ZFX: variants seen among roughly 807,000 people sequenced by gnomAD.
ZFX encodes zinc finger X-chromosomal protein.
For missense variants in ZFX, 362 were observed against 628.3 expected, an observed-to-expected ratio of 0.58 and a Z score of 4.53; for synonymous variants, 196 against 226.8, an observed-to-expected ratio of 0.86 and a Z score of 1.22.
chrX:24,163,974 GTT>G (rs747893896), intron 3 of ZFX, among the ~76,000 whole-genome samples: 2 of 94,655 alleles, frequency 2.1e-5, no homozygotes, highest in African/African-American at 3.9e-5. Flanking sequence ...CTTTTTTTCT[GTT>G]TTTTTTTTTT....
intron 3 of ZFX, among the ~76,000 whole-genome samples, chrX:24,165,079 T>TA (rs1032097974): frequency 1.8e-5 from 2 of 111,645 alleles, no homozygotes; most frequent in Admixed American, 9.5e-5. Flanking sequence ...TGCACTAATT[T>TA]AAAAAAACCC....
upstream of ZFX, chrX:24,149,671 C>A (rs1347714897): frequency 9.0e-6 from 1 of 110,791 alleles, no homozygotes; most frequent in African/African-American, 3.2e-5. Flanking sequence ...TTTTTGTCAG[C>A]TCCGAGCTCG....
rs1938093331 is a variant in ZFX at position 24,211,713 on chromosome X, T to G, written c.*337T>G. 6.2e-6 allele frequency: 1 copy of G among 161,390 alleles called. No individual in the cohort carries two copies. The highest frequency in any genetic ancestry group is 3.1e-5 in the African/African-American group (1 of 32,242). The allele number at this position is 161,390 out of a possible 1,213,427, so 13.3% of individuals were successfully genotyped here. A position where few individuals can be genotyped will look rare whatever the true frequency, so the allele number is the denominator to read the frequency against. ...CCTTGATGGTACTCTTCTAAGACCATTAACTTAAGGTAACTTTATATTGGT... is the reference window on the plus strand; with the variant it reads ...CCTTGATGGTACTCTTCTAAGACCAGTAACTTAAGGTAACTTTATATTGGT... On this transcript the variant is annotated 3_prime_UTR_variant, in exon 10 of 10. Transcript: ENST00000304543.
intron 5 of ZFX, among the ~76,000 whole-genome samples, chrX:24,199,931 A>G (rs1937180318): frequency 1.8e-5 from 2 of 110,245 alleles, no homozygotes; most frequent in South Asian, 7.7e-4. Context: ...AAAAAAAAAA[A>G]AGTTTTTGCT....
At chrX:24,155,657 C>T (rs1308798150) in intron 3 of ZFX, among the ~76,000 whole-genome samples, 2 of 112,314 alleles carry the variant, frequency 1.8e-5, no homozygotes, top group African/African-American at 6.5e-5. Context: ...TGTGTTTGAT[C>T]CCGTTTCTCC....
intron 3 of ZFX, among the ~76,000 whole-genome samples, chrX:24,155,889 TTTTA>T (rs749597304): frequency 1.8e-5 from 2 of 111,877 alleles, no homozygotes; most frequent in Non-Finnish European, 3.8e-5. Flanking sequence ...GGTATATGGG[TTTTA>T]TTTATTTATT....
At chrX:24,164,333 A>G (rs1158949112) in intron 3 of ZFX, among the ~76,000 whole-genome samples, 1 of 111,939 alleles carries the variant, frequency 8.9e-6, no homozygotes, top group Non-Finnish European at 1.9e-5. Context: ...TTGCATTAGC[A>G]AAAGATCAAT....
At chrX:24,175,158 AAT>A (rs1266376512) in intron 4 of ZFX, among the ~76,000 whole-genome samples, 3 of 112,536 alleles carry the variant, frequency 2.7e-5, no homozygotes, top group Non-Finnish European at 5.6e-5. Context: ...AAATATAAGT[AAT>A]ATACTTGAAA....
At chrX:24,192,880 C>T (rs1270246465) in intron 5 of ZFX, among the ~76,000 whole-genome samples, 8 of 100,870 alleles carry the variant, frequency 7.9e-5, no homozygotes, top group African/African-American at 2.6e-4. Flanking sequence ...GGTGACAGAG[C>T]GAGACCCTGT....
Position 24,210,902 on chromosome X carries a change from G to A in ZFX, c.1944G>A (p.Leu648=), listed in dbSNP as rs774264411. The part of the protein sequence containing the change: ...CDHKSSNSSD[L]KRHIISVHTK... ...ACAAGAGTTCGAACTCAAGTGATTTGAAACGACACATAATTTCAGTTCACA... is the reference window on the plus strand; with the variant it reads ...ACAAGAGTTCGAACTCAAGTGATTTAAAACGACACATAATTTCAGTTCACA... Residue 648 remains leucine (L), a synonymous_variant, in exon 10 of 10, where the codon TTG becomes TTA. Transcript: ENST00000304543. The A allele has an allele frequency of 1.9e-5, 23 of 1,210,967 alleles. No individual in the cohort carries two copies. In the South Asian group the frequency reaches 4.0e-4, roughly 21 times the overall value.
At chrX:24,204,467 G>A (rs201524159) in intron 5 of ZFX, among the ~76,000 whole-genome samples, 1 of 111,736 alleles carries the variant, frequency 8.9e-6, no homozygotes, top group Non-Finnish European at 1.9e-5. Flanking sequence ...GTTCTGTCTT[G>A]GTATAACTGG....
chrX:24,167,938 T>C (rs750555653), intron 3 of ZFX, among the ~76,000 whole-genome samples: 13 of 111,296 alleles, frequency 1.2e-4, no homozygotes, highest in Non-Finnish European at 2.5e-4. Flanking sequence ...GTGGTAGCAG[T>C]GATAATAAAG....
intron 5 of ZFX, among the ~76,000 whole-genome samples, chrX:24,190,783 A>G (rs1936476320): frequency 8.9e-6 from 1 of 112,521 alleles, no homozygotes; most frequent in Non-Finnish European, 1.9e-5. Flanking sequence ...CTTGCAGCTG[A>G]GTCAGGCAGC....
rs1436496234 is a variant in ZFX, at chrX:24,174,264, G to A, written c.58+1464G>A. ...AATAAAAGGGTTTTATATCACACCA[G>A]GTAGCTACCCCTTATTATAAATAAA... On this transcript the variant is annotated intron_variant, in intron 4 of 9. Transcript: ENST00000304543. Among the ~76,000 whole-genome samples the A allele has an allele frequency of 3.6e-5, 4 of 110,852 alleles. No homozygotes were observed. The East Asian group carries it at 1.1e-3, about 31-fold the overall frequency.
Position 24,213,632 on chromosome X carries a change from CCTAT to C in ZFX, c.*2259_*2262del, listed in dbSNP as rs1276827595. The C allele has an allele frequency of 1.1e-4, 12 of 108,625 alleles. No homozygotes were observed. The highest frequency in any genetic ancestry group is 1.9e-4 in the Non-Finnish European group (10 of 52,406). The allele number at this position is 108,625 out of a possible 1,213,427, so 9.0% of individuals were successfully genotyped here. A position where few individuals can be genotyped will look rare whatever the true frequency, so the allele number is the denominator to read the frequency against. ...AAAGTCAAGGCATGGGTTTTCCTAG[CCTAT>C]CTTATAGGAAATTCCTGTACCTTCT... On this transcript the variant is annotated 3_prime_UTR_variant, in exon 10 of 10. Coordinates refer to ENST00000304543, the MANE Select transcript of ZFX (RefSeq NM_003410.4).
chrX:24,177,278 T>C (rs779345690), intron 4 of ZFX, among the ~76,000 whole-genome samples: 79 of 112,427 alleles, frequency 7.0e-4, no homozygotes, highest in African/African-American at 2.4e-3. Flanking sequence ...TTGATTCTAT[T>C]TCCATTTGTG....
chrX:24,156,912 T>G (rs1031276697), intron 3 of ZFX, among the ~76,000 whole-genome samples: 2 of 111,632 alleles, frequency 1.8e-5, no homozygotes, highest in Admixed American at 1.9e-4. Context: ...CCTCGGCCTC[T>G]CAAAGTGCTG....
chrX:24,173,499 T>C, intron 4 of ZFX: 1 of 1,023,139 alleles, frequency 9.8e-7, no homozygotes, highest in Non-Finnish European at 1.3e-6. Context: ...GTTCTAAAAA[T>C]AGGAAAAAAA....
chrX:24,189,234 G>A (rs1222565566), intron 5 of ZFX, among the ~76,000 whole-genome samples: 2 of 111,290 alleles, frequency 1.8e-5, no homozygotes. Flanking sequence ...GAAGAGGGGA[G>A]GGTTTGCAGC....
Sources: gnomAD v4.1 joint callset for allele counts (sites outside exome capture counted in the v4.1 genomes callset) on GRCh38, gnomAD v4.1.1 for gene constraint, MANE v1.5 for transcripts, NCBI Gene and HGNC (gene_info 2026-07-23, HGNC 2026-07-21) for gene names.